ARB2A: variants seen among roughly 807,000 people sequenced by gnomAD.
The protein encoded by ARB2A is ARB2 cotranscriptional regulator A, also known as cotranscriptional regulator ARB2A.
the ARB2A span, among the ~76,000 whole-genome samples, chr5:93,772,165 A>G: frequency 1.1e-4 from 16 of 152,212 alleles, no homozygotes; most frequent in African/African-American, 3.1e-4. Context: ...AGGGACATGG[A>G]TGAAATTGGA....
At chr5:94,074,704 GT>G in the ARB2A span, 1 of 1,612,918 alleles carries the variant, frequency 6.2e-7, no homozygotes, top group Non-Finnish European at 8.5e-7. Context: ...TTTGTGCCAT[GT>G]TTATCCAAAT....
the ARB2A span, among the ~76,000 whole-genome samples, chr5:94,019,252 C>A: frequency 6.6e-6 from 1 of 152,174 alleles, no homozygotes; most frequent in South Asian, 2.1e-4. Context: ...TAGGCATGGG[C>A]AAAGACTTCA....
the ARB2A span, chr5:93,806,045 A>G: frequency 3.2e-6 from 2 of 633,094 alleles, no homozygotes; most frequent in African/African-American, 4.0e-5. Flanking sequence ...AAATTTAACC[A>G]CCAGAGACAA....
chr5:94,100,435 T>A, the ARB2A span, among the ~76,000 whole-genome samples: 1 of 152,028 alleles, frequency 6.6e-6, no homozygotes, highest in Non-Finnish European at 1.5e-5. Context: ...CTAGAAAAAA[T>A]TATTTTAAAA....
the ARB2A span, among the ~76,000 whole-genome samples, chr5:93,886,320 T>C: frequency 1.3e-5 from 2 of 151,694 alleles, no homozygotes; most frequent in African/African-American, 4.8e-5. Context: ...GTGGAATCCT[T>C]TGACCTATGG....
At chr5:94,024,471 A>AAC in the ARB2A span, among the ~76,000 whole-genome samples, 12 of 152,088 alleles carry the variant, frequency 7.9e-5, no homozygotes, top group African/African-American at 2.7e-4. Flanking sequence ...TGTTTATATA[A>AAC]ACATATATAC....
chr5:93,790,943 A>G, the ARB2A span, among the ~76,000 whole-genome samples: 1 of 152,210 alleles, frequency 6.6e-6, no homozygotes, highest in Non-Finnish European at 1.5e-5. Context: ...GCTGAAGCAT[A>G]AAGGAGAAAA....
chr5:93,991,697 T>C, the ARB2A span, among the ~76,000 whole-genome samples: 3 of 151,464 alleles, frequency 2.0e-5, no homozygotes, highest in African/African-American at 7.3e-5. Context: ...GATAAGCAAA[T>C]GTGAAAATAT....
the ARB2A span, among the ~76,000 whole-genome samples, chr5:94,015,668 G>A: frequency 6.6e-6 from 1 of 151,988 alleles, no homozygotes; most frequent in Non-Finnish European, 1.5e-5. Context: ...GGGTTATGGA[G>A]TTAAAATGAA....
the ARB2A span, among the ~76,000 whole-genome samples, chr5:94,008,409 C>T: frequency 6.6e-6 from 1 of 152,136 alleles, no homozygotes; most frequent in Non-Finnish European, 1.5e-5. Flanking sequence ...GATTCTCATT[C>T]AGTAGGTCTG....
At chr5:93,833,937 G>A in the ARB2A span, among the ~76,000 whole-genome samples, 1 of 152,178 alleles carries the variant, frequency 6.6e-6, no homozygotes, top group Non-Finnish European at 1.5e-5. Flanking sequence ...CCATCATCCA[G>A]GTAGTGAGTG....
At chr5:93,792,312 A>C in the ARB2A span, among the ~76,000 whole-genome samples, 4 of 152,212 alleles carry the variant, frequency 2.6e-5, no homozygotes, top group Non-Finnish European at 4.4e-5. Context: ...GTTAGGACTA[A>C]ACATTGTCAA....
chr5:94,011,906 G>T, the ARB2A span, among the ~76,000 whole-genome samples: 1 of 30,802 alleles, frequency 3.2e-5, no homozygotes, highest in East Asian at 8.7e-4. Context: ...AAAAGACCTA[G>T]AAATGAGCCC....
the ARB2A span, among the ~76,000 whole-genome samples, chr5:93,926,573 G>A: frequency 6.6e-6 from 1 of 151,906 alleles, no homozygotes; most frequent in African/African-American, 2.4e-5. Flanking sequence ...GATGCCTCAT[G>A]TAGTAAAACT....
chr5:93,945,496 C>G, the ARB2A span, among the ~76,000 whole-genome samples: 52 of 151,464 alleles, frequency 3.4e-4, 1 homozygote, highest in Admixed American at 3.4e-3. Context: ...ACACAAAGCT[C>G]AAATCAGGCG....
the ARB2A span, among the ~76,000 whole-genome samples, chr5:93,820,750 G>A: frequency 1.3e-5 from 2 of 152,100 alleles, no homozygotes; most frequent in African/African-American, 4.8e-5. Flanking sequence ...CAATTCATGA[G>A]ATGAAACAGT....
At chr5:93,820,491 G>A in the ARB2A span, among the ~76,000 whole-genome samples, 6 of 152,180 alleles carry the variant, frequency 3.9e-5, no homozygotes, top group East Asian at 3.8e-4. Flanking sequence ...TTCAAAAAAT[G>A]AGCCTGAATT....
the ARB2A span, among the ~76,000 whole-genome samples, chr5:93,732,097 C>T: frequency 6.6e-6 from 1 of 152,120 alleles, no homozygotes; most frequent in Non-Finnish European, 1.5e-5. Context: ...GTAGCCCCTT[C>T]GATAAACCAT....
the ARB2A span, among the ~76,000 whole-genome samples, chr5:93,819,004 G>A: frequency 6.6e-6 from 1 of 151,542 alleles, no homozygotes; most frequent in African/African-American, 2.4e-5. Flanking sequence ...TGGCTAACAC[G>A]GTGAAACCCC....
Sources: allele counts gnomAD v4.1 joint callset (sites outside exome capture counted in the v4.1 genomes callset), GRCh38; gene constraint gnomAD v4.1.1; transcripts MANE v1.5; gene names NCBI Gene and HGNC (gene_info 2026-07-23, HGNC 2026-07-21).